PAMR1: variants seen among roughly 807,000 people sequenced by gnomAD.
PAMR1 encodes the protein peptidase domain containing associated with muscle regeneration 1, also known as inactive serine protease PAMR1.
Under a neutral mutation model 81.8 loss-of-function variants are expected in PAMR1, and 88 were observed. The observed-to-expected ratio is 1.08, with a 90% CI of 0.91 to 1.28. The LOEUF is 1.28. PAMR1 is among the 50% of genes most tolerant of loss of function. PAMR1 has a pLI of 0.00. For synonymous variants in PAMR1, 336 were observed against 345.3 expected (o/e 0.97, Z 0.30); for missense variants, 935 against 919.7 (o/e 1.02, Z -0.21).
At chr11:35,455,098 A>G (rs1010002661) in intron 6 of PAMR1, among the ~76,000 whole-genome samples, 2 of 152,228 alleles carry the variant, frequency 1.3e-5, no homozygotes, top group African/African-American at 4.8e-5. Flanking sequence ...AGTGGATTCA[A>G]AGCAAGTAAA....
At chr11:35,436,655 GTC>G (rs1491191393) in intron 8 of PAMR1, among the ~76,000 whole-genome samples, 3 of 119,766 alleles carry the variant, frequency 2.5e-5, no homozygotes, top group South Asian at 2.7e-4. Context: ...CTCTCTCTCT[GTC>G]ACACACACAC....
At chr11:35,433,617 A>G (rs1855958508) in intron 10 of PAMR1, among the ~76,000 whole-genome samples, 1 of 152,252 alleles carries the variant, frequency 6.6e-6, no homozygotes, top group Non-Finnish European at 1.5e-5. Flanking sequence ...TCAACTGTGG[A>G]CTTTTCAGAG....
intron 1 of PAMR1, among the ~76,000 whole-genome samples, chr11:35,514,803 T>C (rs1157026192): frequency 6.6e-6 from 1 of 152,052 alleles, no homozygotes; most frequent in Non-Finnish European, 1.5e-5. Flanking sequence ...CTGGGCAACA[T>C]AGCAAACCCA....
At chr11:35,488,197 C>CTTTTTTTTT (rs35884320) in intron 3 of PAMR1, among the ~76,000 whole-genome samples, 1 of 88,030 alleles carries the variant, frequency 1.1e-5, no homozygotes, top group African/African-American at 4.3e-5. Flanking sequence ...CCTTTCCCAT[C>CTTTTTTTTT]TTTTTTTTTT....
chr11:35,501,773 C>T (rs1006668528), intron 1 of PAMR1, among the ~76,000 whole-genome samples: 3 of 152,070 alleles, frequency 2.0e-5, no homozygotes, highest in Non-Finnish European at 2.9e-5. Flanking sequence ...TTCATTCTTT[C>T]GTATAAATAA....
chr11:35,508,516 A>ATTTTTTTTTTTTTT (rs59836040), intron 1 of PAMR1, among the ~76,000 whole-genome samples: 27 of 98,050 alleles, frequency 2.8e-4, no homozygotes, highest in East Asian at 6.0e-4. Context: ...AGGAACCTCC[A>ATTTTTTTTTTTTTT]TTTTTTTTTT....
chr11:35,458,225 A>C (rs954242541), intron 6 of PAMR1, among the ~76,000 whole-genome samples: 2 of 152,230 alleles, frequency 1.3e-5, no homozygotes, highest in Non-Finnish European at 2.9e-5. Flanking sequence ...AGAAAGGAGT[A>C]GATGTTAGAA....
At chr11:35,524,495 T>C (rs1851347854) in intron 1 of PAMR1, among the ~76,000 whole-genome samples, 1 of 152,212 alleles carries the variant, frequency 6.6e-6, no homozygotes, top group South Asian at 2.1e-4. Flanking sequence ...CTCAGGCACT[T>C]GCCAGCTACT....
intron 6 of PAMR1, among the ~76,000 whole-genome samples, chr11:35,465,350 C>T (rs1228972123): frequency 6.6e-6 from 1 of 152,234 alleles, no homozygotes; most frequent in East Asian, 1.9e-4. Flanking sequence ...AATTTGGGCA[C>T]TTCAGAGTTT....
In PAMR1 at chr11:35,478,024, C is replaced by T. The variant is rs547776773; in HGVS notation, c.380-3280G>A. 1.7e-4 allele frequency among the ~76,000 whole-genome samples: 26 copies of T among 152,284 alleles called. No homozygotes were observed. In the South Asian group the frequency reaches 5.2e-3, roughly 30 times the overall value. On this transcript the variant is annotated intron_variant, in intron 3 of 10. Coordinates refer to ENST00000619888, the MANE Select transcript of PAMR1 (RefSeq NM_001001991.3). Reference sequence around the variant, plus strand: ...CCCGTCCCTCAGGGACTGGCAGCTTCCCAGCCTGTAAGGTGTTAAATCCCA... The same window carrying T: ...CCCGTCCCTCAGGGACTGGCAGCTTTCCAGCCTGTAAGGTGTTAAATCCCA...
chr11:35,508,167 G>A (rs1001094221), intron 1 of PAMR1, among the ~76,000 whole-genome samples: 2 of 152,128 alleles, frequency 1.3e-5, no homozygotes, highest in East Asian at 3.8e-4. Context: ...TGCACTTTGA[G>A]GCAGGAAAGG....
intron 8 of PAMR1, among the ~76,000 whole-genome samples, chr11:35,439,381 C>T (rs1028358883): frequency 1.1e-4 from 16 of 152,170 alleles, no homozygotes; most frequent in African/African-American, 3.4e-4. Context: ...TGCTTTCCAC[C>T]GGTCATCTAC....
intron 3 of PAMR1, among the ~76,000 whole-genome samples, chr11:35,482,293 A>G (rs766182825): frequency 6.6e-6 from 1 of 152,176 alleles, no homozygotes; most frequent in African/African-American, 2.4e-5. Flanking sequence ...TAAACAGGGA[A>G]TCCTTTCCTC....
intron 6 of PAMR1, among the ~76,000 whole-genome samples, chr11:35,452,811 C>T (rs1266821431): frequency 2.0e-5 from 3 of 152,040 alleles, no homozygotes; most frequent in Non-Finnish European, 4.4e-5. Flanking sequence ...GTCTCACCAC[C>T]CCATAAAAAT....
chr11:35,482,097 T>TTAAG (rs1850405387), intron 3 of PAMR1, among the ~76,000 whole-genome samples: 1 of 152,238 alleles, frequency 6.6e-6, no homozygotes, highest in Non-Finnish European at 1.5e-5. Context: ...ATTTTCGTCA[T>TTAAG]TAAGTCTTTG....
chr11:35,516,317 C>T (rs1225185200), intron 1 of PAMR1, among the ~76,000 whole-genome samples: 2 of 152,178 alleles, frequency 1.3e-5, no homozygotes, highest in East Asian at 1.9e-4. Context: ...CAAATATGCA[C>T]CTCATATGCC....
chr11:35,478,835 C>CGTGTGT (rs111660645), intron 3 of PAMR1, among the ~76,000 whole-genome samples: 87 of 149,706 alleles, frequency 5.8e-4, no homozygotes, highest in East Asian at 5.7e-3. Context: ...GGTGTGTGGG[C>CGTGTGT]GTGTGTGTGT....
upstream of PAMR1, among the ~76,000 whole-genome samples, chr11:35,527,388 A>G (rs921538362): frequency 6.6e-6 from 1 of 152,222 alleles, no homozygotes; most frequent in Non-Finnish European, 1.5e-5. Flanking sequence ...GTGCACACTA[A>G]ATATTAATCA....
At chr11:35,452,049 A>T in intron 6 of PAMR1, 1 of 460,764 alleles carries the variant, frequency 2.2e-6, no homozygotes, top group Non-Finnish European at 3.8e-6. Flanking sequence ...AGAAATACAG[A>T]CAATAGAAAC....
Sources: gnomAD v4.1 joint callset for allele counts (sites outside exome capture counted in the v4.1 genomes callset) on GRCh38, gnomAD v4.1.1 for gene constraint, MANE v1.5 for transcripts, NCBI Gene and HGNC (gene_info 2026-07-23, HGNC 2026-07-21) for gene names.